MBP: variants seen among roughly 807,000 people sequenced by gnomAD.
MBP encodes the protein Golli-MBP.
A neutral mutation model predicts 35.8 loss-of-function variants in MBP; 16 were observed. The ratio of observed to expected loss-of-function variants is 0.45; its 90% CI spans 0.30 to 0.68. The LOEUF is 0.68. Ranked by LOEUF, MBP falls within the 30% of genes least tolerant of loss-of-function variation. The pLI is 0.08. For missense variants in MBP, 380 were observed against 404.7 expected, an observed-to-expected ratio of 0.94 and a Z score of 0.52; for synonymous variants, 143 against 159.6, an observed-to-expected ratio of 0.90 and a Z score of 0.78.
chr18:77,108,192 G>A (rs911134928), intron 1 of MBP: 6 of 152,218 alleles, frequency 3.9e-5, no homozygotes, highest in Non-Finnish European at 5.9e-5. Flanking sequence ...TCACTGTCAC[G>A]GGGCTAAGAG....
intron 4 of MBP, among the ~76,000 whole-genome samples, chr18:76,998,678 A>G (rs911812889): frequency 6.6e-6 from 1 of 152,126 alleles, no homozygotes; most frequent in Non-Finnish European, 1.5e-5. Flanking sequence ...GTCGACGTGC[A>G]TTTACATTTA....
At chr18:77,070,924 T>A (rs1599183033) in intron 2 of MBP, among the ~76,000 whole-genome samples, 1 of 152,204 alleles carries the variant, frequency 6.6e-6, no homozygotes, top group South Asian at 2.1e-4. Context: ...CCCGCGTAGC[T>A]GGAGTGTCCA....
intron 3 of MBP, among the ~76,000 whole-genome samples, chr18:77,045,410 G>A (rs1973204495): frequency 6.6e-6 from 1 of 151,930 alleles, no homozygotes; most frequent in Admixed American, 6.5e-5. Flanking sequence ...CAGGGCCTCT[G>A]GAGCCTGGCT....
At chr18:76,987,782 A>T (rs1341773010) in intron 7 of MBP, 2 of 1,015,120 alleles carry the variant, frequency 2.0e-6, no homozygotes, top group East Asian at 1.9e-4. Context: ...GCTAGTAACT[A>T]AAGTCTGTAA....
rs188255143 is a variant in MBP at position 77,018,090 on chromosome 18, C to T, written c.140-822G>A. Among the ~76,000 whole-genome samples the T allele has an allele frequency of 1.3e-4, 20 of 152,304 alleles. No individual in the cohort carries two copies. In the East Asian group the frequency reaches 3.3e-3, roughly 25 times the overall value. On this transcript the variant is annotated intron_variant, in intron 3 of 8. Transcript: ENST00000355994. ...ATTCACTCACATATTCCTGTAATACCAGTCATCCATCTATCTCTCTATCCA... is the reference window on the plus strand; with the variant it reads ...ATTCACTCACATATTCCTGTAATACTAGTCATCCATCTATCTCTCTATCCA...
chr18:77,082,618 GTGAGA>G (rs1974998118), intron 2 of MBP, among the ~76,000 whole-genome samples: 2 of 152,206 alleles, frequency 1.3e-5, no homozygotes, highest in African/African-American at 4.8e-5. Flanking sequence ...CCAGGACCCA[GTGAGA>G]TGCTGACTGG....
chr18:77,017,919 T>A (rs944948220), intron 3 of MBP: 3 of 152,220 alleles, frequency 2.0e-5, no homozygotes, highest in African/African-American at 7.2e-5. Flanking sequence ...TATACCAGCA[T>A]CTCATAGCTT....
intron 7 of MBP, chr18:76,985,795 G>T: frequency 2.0e-6 from 2 of 990,066 alleles, no homozygotes; most frequent in Non-Finnish European, 2.4e-6. Context: ...AACACAAGCC[G>T]TTCATGGAGA....
chr18:77,014,404 C>T lies in MBP; in HGVS notation c.576+2428G>A, dbSNP rs567818285. On this transcript the variant is annotated intron_variant, in intron 4 of 8. Transcript: ENST00000355994. ...TGGCAGGAATCTGCCAGGAAAACCT[C>T]GTTCTAGATAGGGAGAAGCAGAACT... 33 of 985,428 alleles carry T rather than the reference C, an allele frequency of 3.3e-5. No homozygotes were observed. The African/African-American group carries it at 4.7e-4, about 14-fold the overall frequency. The allele number at this position is 985,428 out of a possible 1,614,324, so 61.0% of individuals were successfully genotyped here.
chr18:77,114,727 G>A (rs986801174), intron 1 of MBP: 6 of 152,358 alleles, frequency 3.9e-5, no homozygotes, highest in African/African-American at 1.4e-4. Context: ...TCTGCGGCCG[G>A]TGGGATCCCT....
chr18:77,066,671 A>G, intron 2 of MBP: 1 of 620,358 alleles, frequency 1.6e-6, no homozygotes, highest in Middle Eastern at 2.7e-4. Context: ...AATTAGCTAC[A>G]TGCCATCCCA....
Position 77,044,319 on chromosome 18 carries a change from T to C in MBP, c.139+21979A>G, listed in dbSNP as rs1416582315. Among the ~76,000 whole-genome samples, 3 of 152,060 alleles carry C rather than the reference T, an allele frequency of 2.0e-5. No individual in the cohort carries two copies. The highest frequency in any genetic ancestry group is 7.2e-5 in the African/African-American group (3 of 41,386). ...GACGGGGTCCAAACCCCTCTTCAAC[T>C]GTCCTCCAAGCTTCAGGTCCACCGT... On this transcript the variant is annotated intron_variant, in intron 3 of 8. Coordinates refer to ENST00000355994, the MANE Select transcript of MBP (RefSeq NM_001025101.2). This position sits in a 1 kb window ranked among gnomAD's most constrained non-coding sequence, Gnocchi z 4.4.
chr18:77,085,089 T>C (rs539202717), intron 2 of MBP, among the ~76,000 whole-genome samples: 13 of 152,326 alleles, frequency 8.5e-5, no homozygotes, highest in African/African-American at 2.9e-4. Flanking sequence ...AGGGCCGTTA[T>C]TCAGTTCAAA....
chr18:77,117,795 G>A (rs1034536265), intron 1 of MBP, among the ~76,000 whole-genome samples: 3 of 80,178 alleles, frequency 3.7e-5, no homozygotes, highest in East Asian at 7.0e-4. Flanking sequence ...AGTGGGTTGG[G>A]GTGGGACGGG....
At chr18:77,099,946 G>A (rs1401523932) in intron 2 of MBP, among the ~76,000 whole-genome samples, 1 of 152,264 alleles carries the variant, frequency 6.6e-6, no homozygotes, top group South Asian at 2.1e-4. Flanking sequence ...CCGTTCCCCA[G>A]GAGGTGTCAG....
chr18:77,010,506 G>C (rs1208024855), intron 4 of MBP, among the ~76,000 whole-genome samples: 2 of 152,230 alleles, frequency 1.3e-5, no homozygotes, highest in African/African-American at 4.8e-5. Flanking sequence ...ACCGAGGACG[G>C]ACCTTTTCCG....
intron 1 of MBP, chr18:77,112,720 T>C (rs1599263859): frequency 6.6e-6 from 1 of 152,344 alleles, no homozygotes; most frequent in South Asian, 2.1e-4. Context: ...AGCACGTGGG[T>C]GGCCACGAAC....
rs577329604 is a variant in MBP at position 76,985,635 on chromosome 18, C to A, written c.751-741G>T. 313 of 1,059,956 alleles carry A rather than the reference C, an allele frequency of 3.0e-4. No homozygotes were observed. In the African/African-American group the frequency reaches 4.2e-3, roughly 14 times the overall value. 65.7% of individuals were successfully genotyped at this position (1,059,956 alleles called of 1,614,324 possible). ...AGGCCTGGCTGGCACGGGGGGCGGC[C>A]GCATCCTGGCAGCAGCGGGACAGCG... is the stretch of plus-strand genomic sequence containing the variant. On this transcript the variant is annotated intron_variant, in intron 7 of 8. Coordinates refer to ENST00000355994, the MANE Select transcript of MBP (RefSeq NM_001025101.2).
rs1431408382 is a variant in MBP at position 76,980,071 on chromosome 18, TGCC to T, written c.*353_*355del. ...GCAGTGACCAGCAAAAGCGCAAGGG[TGCC>T]GCAGCCACGGCGAAAAGAAAGTCCA... On this transcript the variant is annotated 3_prime_UTR_variant, in exon 9 of 9. Transcript: ENST00000355994. The T allele has an allele frequency of 1.4e-6, 1 of 698,812 alleles. No individual in the cohort carries two copies. The highest frequency in any genetic ancestry group is 2.0e-5 in the Admixed American group (1 of 49,076). The allele number at this position is 698,812 out of a possible 1,614,324, so 43.3% of individuals were successfully genotyped here.
Sources: allele counts gnomAD v4.1 joint callset (sites outside exome capture counted in the v4.1 genomes callset), GRCh38; gene constraint gnomAD v4.1.1; non-coding constraint Gnocchi (gnomAD v3.1); transcripts MANE v1.5; gene names NCBI Gene and HGNC (gene_info 2026-07-23, HGNC 2026-07-21).